Variants in ROBO1 observed in about 807,000 individuals in gnomAD.
ROBO1 encodes the protein roundabout homolog 1.
A neutral mutation model predicts 195.9 loss-of-function variants in ROBO1; 149 were observed. The observed-to-expected ratio is 0.76, with a 90% confidence interval of 0.67 to 0.87. ROBO1 has a LOEUF of 0.87. Among genes scored for constraint, ROBO1 ranks in the 40% least tolerant of loss-of-function variants. The pLI is 0.00. For synonymous variants in ROBO1, 816 were observed against 733.2 expected (o/e 1.11, Z -1.82); for missense variants, 1,933 against 2,068.3 (o/e 0.93, Z 1.27).
chr3:78,610,563 G>A (rs1703750768), intron 28 of ROBO1, among the ~76,000 whole-genome samples: 1 of 152,106 alleles, frequency 6.6e-6, no homozygotes, highest in Non-Finnish European at 1.5e-5. Flanking sequence ...GGAAGCTGAT[G>A]ACTGCCACTA....
rs537305454 is a variant in ROBO1, at chr3:78,683,075, G to A, written c.1342+2671C>T. ...TTTTTCTTGATCCTAACTTCAGGGG[G>A]AAATAATTTAATATTTTACCACCAG... On this transcript the variant is annotated intron_variant, in intron 10 of 30. Transcript: ENST00000464233. Among the ~76,000 whole-genome samples the A allele has an allele frequency of 2.9e-4, 44 of 151,944 alleles. 1 individual carries two copies. The South Asian group carries it at 9.2e-3, about 32-fold the overall frequency.
chr3:78,665,383 A>G (rs1017316214), intron 14 of ROBO1, among the ~76,000 whole-genome samples: 1 of 152,182 alleles, frequency 6.6e-6, no homozygotes, highest in Non-Finnish European at 1.5e-5. Flanking sequence ...TACTTCCCGT[A>G]AGCCTGCTGT....
chr3:79,087,556 T>A (rs570698722), intron 3 of ROBO1, among the ~76,000 whole-genome samples: 1 of 151,940 alleles, frequency 6.6e-6, no homozygotes, highest in Non-Finnish European at 1.5e-5. Flanking sequence ...TCCTTCTTCC[T>A]TCCTTCATTT....
intron 3 of ROBO1, among the ~76,000 whole-genome samples, chr3:79,055,153 A>G (rs1382077392): frequency 1.3e-5 from 2 of 152,132 alleles, no homozygotes; most frequent in African/African-American, 2.4e-5. Context: ...ATCACCATTC[A>G]TACTGGTCTC....
intron 4 of ROBO1, among the ~76,000 whole-genome samples, chr3:78,871,203 G>A (rs1015117993): frequency 3.3e-5 from 5 of 152,150 alleles, no homozygotes; most frequent in African/African-American, 1.2e-4. Context: ...TGTTTGGAGA[G>A]GGATGGAGAG....
chr3:79,327,062 A>G (rs1467677244), intron 2 of ROBO1, among the ~76,000 whole-genome samples: 1 of 152,200 alleles, frequency 6.6e-6, no homozygotes, highest in South Asian at 2.1e-4. Flanking sequence ...TACTTAACAC[A>G]TACTTATCAC....
At chr3:79,033,902 G>A (rs1202581702) in intron 3 of ROBO1, among the ~76,000 whole-genome samples, 1 of 152,032 alleles carries the variant, frequency 6.6e-6, no homozygotes, top group Non-Finnish European at 1.5e-5. Context: ...CCACCGGCTC[G>A]ACCTTCTTAT....
At chr3:79,508,964 A>G (rs1940555076) in intron 2 of ROBO1, among the ~76,000 whole-genome samples, 1 of 152,164 alleles carries the variant, frequency 6.6e-6, no homozygotes, top group Non-Finnish European at 1.5e-5. Context: ...GAAATAACAC[A>G]GTTGAAAAGA....
intron 1 of ROBO1, among the ~76,000 whole-genome samples, chr3:79,731,142 T>C (rs1703132778): frequency 6.6e-6 from 1 of 152,156 alleles, no homozygotes; most frequent in Admixed American, 6.5e-5. Flanking sequence ...CACTTTAATA[T>C]ATCTCTGTCT....
chr3:79,534,205 A>T (rs1941769124), intron 2 of ROBO1, among the ~76,000 whole-genome samples: 1 of 151,742 alleles, frequency 6.6e-6, no homozygotes, highest in African/African-American at 2.4e-5. Context: ...CATCCAGAAA[A>T]GAAAAACAGT....
At chr3:79,210,942 C>G (rs2081956746) in intron 2 of ROBO1, among the ~76,000 whole-genome samples, 1 of 151,986 alleles carries the variant, frequency 6.6e-6, no homozygotes, top group African/African-American at 2.4e-5. Context: ...AGATTTCAAG[C>G]ATAGTATCTC....
chr3:79,427,374 C>A (rs2038489205), intron 2 of ROBO1, among the ~76,000 whole-genome samples: 1 of 152,110 alleles, frequency 6.6e-6, no homozygotes, highest in Non-Finnish European at 1.5e-5. Flanking sequence ...TTTAGAATAG[C>A]CAGCTCTGGA....
chr3:79,049,132 A>G (rs1000430679), intron 3 of ROBO1, among the ~76,000 whole-genome samples: 4 of 152,152 alleles, frequency 2.6e-5, no homozygotes, highest in Non-Finnish European at 5.9e-5. Flanking sequence ...ACCCACCGCA[A>G]TGAAGCTAAA....
intron 2 of ROBO1, among the ~76,000 whole-genome samples, chr3:79,512,375 C>T (rs968578318): frequency 1.3e-5 from 2 of 152,074 alleles, no homozygotes; most frequent in African/African-American, 4.8e-5. Context: ...TTATGCCTTA[C>T]TTCTAAAATT....
At chr3:79,699,645 G>A (rs968715527) in intron 1 of ROBO1, among the ~76,000 whole-genome samples, 2 of 150,750 alleles carry the variant, frequency 1.3e-5, no homozygotes, top group South Asian at 2.1e-4. Flanking sequence ...TTATTAAAAC[G>A]TATGTTGTTG....
At position 79,469,991 on chromosome 3, in the gene ROBO1, A is replaced by G. The variant is rs141240394; in HGVS notation, c.88+119833T>C. The stretch of plus-strand genomic sequence containing the variant: ...CAATGAACTATGAGAAAGAGTTTTT[A>G]AAAACTGTTAAATATATTTTTTTAA... On this transcript the variant is annotated intron_variant, in intron 2 of 30. Transcript: ENST00000464233. 8.6e-4 allele frequency among the ~76,000 whole-genome samples: 131 copies of G among 152,292 alleles called. 1 individual carries two copies. The highest frequency in any genetic ancestry group is 3.1e-3 in the African/African-American group (127 of 41,572).
chr3:79,257,227 G>T (rs2082850941), intron 2 of ROBO1, among the ~76,000 whole-genome samples: 1 of 152,144 alleles, frequency 6.6e-6, no homozygotes, highest in African/African-American at 2.4e-5. Context: ...AAATAAGGGT[G>T]TAAACTTGAT....
chr3:78,751,179 T>A (rs1020243313), intron 4 of ROBO1, among the ~76,000 whole-genome samples: 3 of 152,142 alleles, frequency 2.0e-5, no homozygotes, highest in Admixed American at 6.6e-5. Flanking sequence ...TTTACCTACA[T>A]GAATCATAGA....
chr3:79,711,406 G>A (rs963858894), intron 1 of ROBO1, among the ~76,000 whole-genome samples: 6 of 152,110 alleles, frequency 3.9e-5, no homozygotes, highest in East Asian at 1.9e-4. Flanking sequence ...CAGAGATTAC[G>A]TGTAAGAATA....
Sources: allele counts gnomAD v4.1 joint callset (sites outside exome capture counted in the v4.1 genomes callset), GRCh38; gene constraint gnomAD v4.1.1; transcripts MANE v1.5; gene names NCBI Gene and HGNC (gene_info 2026-07-23, HGNC 2026-07-21).